The following WDR49 variants were observed in gnomAD, a reference collection of about 807,000 sequenced individuals.
WDR49 encodes WD repeat domain 49.
WDR49 carries 107 observed loss-of-function variants against 119.5 expected under a neutral mutation model. The ratio of observed to expected loss-of-function variants is 0.90; its 90% CI spans 0.77 to 1.05. The LOEUF is 1.05. WDR49 is among the 50% of genes least tolerant of loss of function. The probability of loss-of-function intolerance (pLI) is 0.00; values close to 1 mark genes in which losing one functional copy is unlikely to be tolerated. For missense variants in WDR49, 1,240 were observed against 1,220.5 expected (o/e 1.02, Z -0.24); for synonymous variants, 425 against 418.8 (o/e 1.01, Z -0.18).
intron 7 of WDR49, among the ~76,000 whole-genome samples, chr3:167,578,598 T>C (rs1431655913): frequency 3.3e-5 from 5 of 152,150 alleles, no homozygotes. Context: ...ATTGTTATTA[T>C]TTTAAATATG....
chr3:167,516,499 T>C (rs930061395), intron 16 of WDR49, among the ~76,000 whole-genome samples: 11 of 152,148 alleles, frequency 7.2e-5, no homozygotes, highest in African/African-American at 2.7e-4. Context: ...AAGTCTATCA[T>C]TGTTGGACAT....
At chr3:167,568,095 A>T (rs188593891) in intron 8 of WDR49, among the ~76,000 whole-genome samples, 141 of 152,260 alleles carry the variant, frequency 9.3e-4, no homozygotes, top group African/African-American at 3.3e-3. Flanking sequence ...ATTAATAAAC[A>T]TCCTTTGTGG....
chr3:167,502,970 C>T (rs568836037), intron 17 of WDR49, among the ~76,000 whole-genome samples: 1 of 152,316 alleles, frequency 6.6e-6, no homozygotes, highest in East Asian at 1.9e-4. Flanking sequence ...AAAAGAGAGC[C>T]AAGAGCTAAT....
In WDR49 at chr3:167,617,450, T is replaced by TGGGA. The variant is rs567162135; in HGVS notation, c.958+2975_958+2978dup. Among the ~76,000 whole-genome samples the TGGGA allele has an allele frequency of 2.6e-5, 4 of 152,256 alleles. No homozygotes were observed. The South Asian group carries it at 8.3e-4, about 32-fold the overall frequency. On this transcript the variant is annotated intron_variant, in intron 5 of 18. Transcript: ENST00000682715. Reference sequence around the variant, plus strand: ...GCTGAGGCACAAGAATCGCTGAACCTGGGAGGTAGATGTTGCAGTGAGCCA... The same window carrying TGGGA: ...GCTGAGGCACAAGAATCGCTGAACCTGGGAGGGAGGTAGATGTTGCAGTGAGCCA...
At chr3:167,550,778 T>TGAGA (rs757566403) in intron 10 of WDR49, among the ~76,000 whole-genome samples, 18 of 144,044 alleles carry the variant, frequency 1.2e-4, no homozygotes, top group African/African-American at 1.8e-4. Context: ...TTTTTTTTTT[T>TGAGA]GAGAGAGAGA....
At chr3:167,555,321 A>G (rs545724849) in intron 9 of WDR49, among the ~76,000 whole-genome samples, 7 of 152,328 alleles carry the variant, frequency 4.6e-5, no homozygotes, top group East Asian at 3.9e-4. Flanking sequence ...AAAGCCCACA[A>G]TGGAAGGGCT....
At chr3:167,529,958 A>C (rs1295825048) in intron 13 of WDR49, among the ~76,000 whole-genome samples, 1 of 152,134 alleles carries the variant, frequency 6.6e-6, no homozygotes. Flanking sequence ...AAACAATCAT[A>C]TCTATTTAAG....
intron 5 of WDR49, among the ~76,000 whole-genome samples, chr3:167,610,299 A>T (rs1716281066): frequency 6.6e-6 from 1 of 152,132 alleles, no homozygotes; most frequent in South Asian, 2.1e-4. Context: ...TTGTCCAGAG[A>T]GGAGTCCACT....
intron 8 of WDR49, among the ~76,000 whole-genome samples, chr3:167,564,913 A>G (rs1560288312): frequency 6.6e-6 from 1 of 152,126 alleles, no homozygotes; most frequent in Non-Finnish European, 1.5e-5. Context: ...TAAGAAAAAA[A>G]AAACAGGAAT....
At chr3:167,622,301 C>T (rs1327254852) in intron 3 of WDR49, among the ~76,000 whole-genome samples, 7 of 151,888 alleles carry the variant, frequency 4.6e-5, no homozygotes, top group Admixed American at 6.6e-5. Flanking sequence ...CTTTGAGAGG[C>T]CAACGCAGGA....
intron 7 of WDR49, among the ~76,000 whole-genome samples, chr3:167,595,446 T>C (rs1194769202): frequency 2.0e-5 from 3 of 152,204 alleles, no homozygotes; most frequent in Admixed American, 1.3e-4. Flanking sequence ...TCTGGAGGCA[T>C]CACACTACCT....
intron 10 of WDR49, among the ~76,000 whole-genome samples, chr3:167,554,435 A>T (rs1369653285): frequency 6.6e-6 from 1 of 152,188 alleles, no homozygotes; most frequent in Non-Finnish European, 1.5e-5. Context: ...TAAAGAAAGA[A>T]AAATTTCCAA....
At chr3:167,523,514 A>G (rs1752528413) in intron 15 of WDR49, among the ~76,000 whole-genome samples, 1 of 151,974 alleles carries the variant, frequency 6.6e-6, no homozygotes, top group South Asian at 2.1e-4. Context: ...CTCCACATGC[A>G]TTAGGTATTT....
chr3:167,557,752 C>CAAAAAAA (rs547560541), intron 9 of WDR49, among the ~76,000 whole-genome samples: 14 of 106,038 alleles, frequency 1.3e-4, no homozygotes, highest in African/African-American at 1.1e-4. Context: ...GACTCCGTCT[C>CAAAAAAA]AAAAAAAAAA....
intron 2 of WDR49, among the ~76,000 whole-genome samples, chr3:167,630,889 G>A (rs887409264): frequency 3.3e-5 from 5 of 152,020 alleles, no homozygotes; most frequent in Non-Finnish European, 7.4e-5. Context: ...ATCACAACTC[G>A]TGCCTGAATG....
At chr3:167,613,924 A>G (rs1446401551) in intron 5 of WDR49, among the ~76,000 whole-genome samples, 2 of 146,510 alleles carry the variant, frequency 1.4e-5, no homozygotes, top group African/African-American at 5.2e-5. Flanking sequence ...TGGGTGACAG[A>G]GCAAGACTCT....
intron 2 of WDR49, among the ~76,000 whole-genome samples, chr3:167,627,875 A>G (rs1717203466): frequency 6.6e-6 from 1 of 152,078 alleles, no homozygotes; most frequent in South Asian, 2.1e-4. Context: ...TACAAATTGA[A>G]GGTTTGTGGC....
At chr3:167,497,775 T>A (rs1233094567) in intron 18 of WDR49, among the ~76,000 whole-genome samples, 1 of 152,184 alleles carries the variant, frequency 6.6e-6, no homozygotes, top group Non-Finnish European at 1.5e-5. Context: ...GGACTATCTT[T>A]ACAACTTTGT....
At chr3:167,632,670 A>AT (rs1416238555) in intron 2 of WDR49, among the ~76,000 whole-genome samples, 1 of 152,088 alleles carries the variant, frequency 6.6e-6, no homozygotes, top group Non-Finnish European at 1.5e-5. Flanking sequence ...AATTAAGGTA[A>AT]TTGATCTTTT....
Sources: allele counts gnomAD v4.1 joint callset (sites outside exome capture counted in the v4.1 genomes callset), GRCh38; gene constraint gnomAD v4.1.1; transcripts MANE v1.5; gene names NCBI Gene and HGNC (gene_info 2026-07-23, HGNC 2026-07-21).